The following DEFB121 variants were observed in gnomAD, a reference collection of about 807,000 sequenced individuals.
The protein encoded by DEFB121 is beta-defensin 121.
DEFB121 carries 5 observed loss-of-function variants against 2.5 expected under a neutral mutation model. The observed-to-expected ratio is 1.96, with a 90% CI of 1.03 to 4.13. The LOEUF is 4.13. DEFB121 is among the 30% of genes most tolerant of loss of function. The probability of loss-of-function intolerance (pLI) is 0.00; values close to 1 mark genes in which losing one functional copy is unlikely to be tolerated. For synonymous variants in DEFB121, 39 were observed against 32.6 expected (o/e 1.20, Z -0.67); for missense variants, 87 against 85.0 (o/e 1.02, Z -0.09).
upstream of DEFB121, among the ~76,000 whole-genome samples, chr20:31,416,308 G>A (rs1054784690): frequency 2.0e-4 from 30 of 152,160 alleles, no homozygotes; most frequent in African/African-American, 6.3e-4. Context: ...TGATTTGCCC[G>A]CTTTGGCCTC....
chr20:31,406,310 C>T (rs1406475038), upstream of DEFB121: 6 of 1,406,600 alleles, frequency 4.3e-6, no homozygotes, highest in African/African-American at 5.8e-5. Context: ...TGAGATCAGA[C>T]AGGCAGGCAA....
At chr20:31,412,407 C>T (rs1376981942) in intron 1 of DEFB121, among the ~76,000 whole-genome samples, 7 of 152,234 alleles carry the variant, frequency 4.6e-5, no homozygotes, top group African/African-American at 1.7e-4. Context: ...CAAATCCTCA[C>T]TTTGCCACAT....
At chr20:31,410,461 G>T (rs111705161), upstream of DEFB121, among the ~76,000 whole-genome samples, 1 of 152,140 alleles carries the variant, frequency 6.6e-6, no homozygotes, top group African/African-American at 2.4e-5. Flanking sequence ...AAACATCATA[G>T]GAGTTGCCTA....
upstream of DEFB121, among the ~76,000 whole-genome samples, chr20:31,415,942 A>AT (rs920297095): frequency 6.6e-6 from 1 of 152,106 alleles, no homozygotes; most frequent in Non-Finnish European, 1.5e-5. Flanking sequence ...TAAAAATGAG[A>AT]TTTTTATAGT....
upstream of DEFB121, among the ~76,000 whole-genome samples, chr20:31,409,023 T>A (rs1403547347): frequency 1.4e-5 from 2 of 145,292 alleles, no homozygotes; most frequent in African/African-American, 2.5e-5. Flanking sequence ...TGAAACTACA[T>A]CTCAAAAAAA....
At chr20:31,411,556 T>G (rs1978664629) in intron 1 of DEFB121, among the ~76,000 whole-genome samples, 1 of 146,036 alleles carries the variant, frequency 6.8e-6, no homozygotes. Flanking sequence ...AAAGAATGTA[T>G]GAACGCAGAG....
At chr20:31,414,043 A>G (rs1239139441), upstream of DEFB121, among the ~76,000 whole-genome samples, 1 of 152,218 alleles carries the variant, frequency 6.6e-6, no homozygotes, top group Non-Finnish European at 1.5e-5. Context: ...CCCTGCCTCA[A>G]CTAAAAATAC....
At chr20:31,417,297 G>T (rs771866534), upstream of DEFB121, among the ~76,000 whole-genome samples, 3 of 151,846 alleles carry the variant, frequency 2.0e-5, no homozygotes, top group Non-Finnish European at 4.4e-5. Flanking sequence ...GTGAGTGGAG[G>T]TCACACCCCT....
In DEFB121 at chr20:31,405,089, A is replaced by G. The variant is rs1305474937; in HGVS notation, c.59-4T>C. 3.1e-6 allele frequency: 5 copies of G among 1,593,548 alleles called. No individual in the cohort carries two copies. Among genetic ancestry groups the G allele is most frequent in the South Asian group, 2.3e-5 (2 of 87,044 alleles). ...GACTTGCCCCAACATTTCATGACTG[A>G]AAACAAAAGGGAAGAAGAGAATAGA... On this transcript the variant is annotated splice_region_variant and splice_polypyrimidine_tract_variant and intron_variant, in intron 1 of 1. Transcript: ENST00000376314.
At chr20:31,409,125 A>G (rs1568739763), upstream of DEFB121, among the ~76,000 whole-genome samples, 1 of 152,204 alleles carries the variant, frequency 6.6e-6, no homozygotes, top group Non-Finnish European at 1.5e-5. Flanking sequence ...TTTTAAAAAA[A>G]CTTGTTAAAA....
At chr20:31,406,226 G>C, upstream of DEFB121, 2 of 1,595,012 alleles carry the variant, frequency 1.3e-6, no homozygotes, top group Non-Finnish European at 1.7e-6. Flanking sequence ...ATTCTGGGCA[G>C]TCCAGACTGG....
upstream of DEFB121, among the ~76,000 whole-genome samples, chr20:31,417,295 A>C (rs544642628): frequency 2.4e-4 from 37 of 152,232 alleles, 1 homozygote; most frequent in African/African-American, 8.9e-4. Flanking sequence ...CAGTGAGTGG[A>C]GGTCACACCC....
chr20:31,410,823 T>TGAGAGAGAGAGAGAGAGAGAGAGAGA (rs72164704), upstream of DEFB121, among the ~76,000 whole-genome samples: 2 of 136,046 alleles, frequency 1.5e-5, no homozygotes, highest in African/African-American at 5.6e-5. Flanking sequence ...CCTTGAAAAA[T>TGAGAGAGAGAGAGAGAGAGAGAGAGA]GAGAGAGAGA....
At chr20:31,417,027 T>C (rs147389526), upstream of DEFB121, among the ~76,000 whole-genome samples, 1,021 of 152,120 alleles carry the variant, frequency 6.7e-3, 11 homozygotes, top group African/African-American at 0.023. Flanking sequence ...CAGTAGCTTG[T>C]CTATATAGGC....
chr20:31,409,248 C>T (rs531002824), upstream of DEFB121, among the ~76,000 whole-genome samples: 1 of 152,012 alleles, frequency 6.6e-6, no homozygotes, highest in South Asian at 2.1e-4. Context: ...CAAACAACTC[C>T]TCTCTTTGGT....
upstream of DEFB121, among the ~76,000 whole-genome samples, chr20:31,417,298 T>A (rs1056440238): frequency 2.6e-5 from 4 of 151,682 alleles, no homozygotes; most frequent in African/African-American, 9.7e-5. Flanking sequence ...TGAGTGGAGG[T>A]CACACCCCTG....
chr20:31,412,554 A>G, intron 1 of DEFB121: 1 of 1,165,394 alleles, frequency 8.6e-7, no homozygotes, highest in South Asian at 1.3e-5. Context: ...AAGCTCAGGG[A>G]ATAGTGCCTG....
At chr20:31,418,255 G>A in the DEFB121 span, among the ~76,000 whole-genome samples, 5 of 32,074 alleles carry the variant, frequency 1.6e-4, no homozygotes, top group East Asian at 8.9e-3. Context: ...GCGAGACTCC[G>A]TCTCAAAAAA....
chr20:31,414,184 G>A (rs751318372), upstream of DEFB121, among the ~76,000 whole-genome samples: 1 of 151,786 alleles, frequency 6.6e-6, no homozygotes, highest in Non-Finnish European at 1.5e-5. Flanking sequence ...TCCAGCCTGG[G>A]CAATAAGAGT....
Sources: allele counts gnomAD v4.1 joint callset (sites outside exome capture counted in the v4.1 genomes callset), GRCh38; gene constraint gnomAD v4.1.1; transcripts MANE v1.5; gene names NCBI Gene and HGNC (gene_info 2026-07-23, HGNC 2026-07-21).